KCNIP3: variants seen among roughly 807,000 people sequenced by gnomAD.
KCNIP3 encodes potassium voltage-gated channel interacting protein 3, also known as calsenilin.
In KCNIP3, 28 loss-of-function variants were observed where a neutral mutation model predicts 35.0. That is an observed-to-expected ratio of 0.80 (90% CI 0.59 to 1.10). The LOEUF is 1.10. Ranked by LOEUF, KCNIP3 falls within the 50% of genes least tolerant of loss-of-function variation. The pLI is 0.00. For missense variants in KCNIP3, 295 were observed against 338.4 expected (o/e 0.87, Z 1.01); for synonymous variants, 134 against 133.8 (o/e 1.00, Z -0.01).
At chr2:95,320,205 G>T (rs552818372) in intron 2 of KCNIP3, among the ~76,000 whole-genome samples, 1 of 152,154 alleles carries the variant, frequency 6.6e-6, no homozygotes, top group Admixed American at 6.5e-5. Context: ...GGAACCACAC[G>T]GAGGGAGCCT....
At chr2:95,317,165 G>A (rs1356042955) in intron 2 of KCNIP3, among the ~76,000 whole-genome samples, 1 of 152,136 alleles carries the variant, frequency 6.6e-6, no homozygotes, top group Non-Finnish European at 1.5e-5. Context: ...CCCTGGCCCT[G>A]AGCCTCCTAG....
At chr2:95,379,129 C>A (rs966589536) in intron 5 of KCNIP3, among the ~76,000 whole-genome samples, 1 of 151,926 alleles carries the variant, frequency 6.6e-6, no homozygotes, top group Non-Finnish European at 1.5e-5. Flanking sequence ...TCCCCCCAGC[C>A]CCCCACCCAT....
At chr2:95,383,906 G>A (rs879070945) in intron 8 of KCNIP3, 96 bp from the exon 9 acceptor site, 17 of 1,031,580 alleles carry the variant, frequency 1.6e-5, no homozygotes, top group Admixed American at 1.2e-4. Context: ...ACAGGCAGTC[G>A]CTGCAGGCTC....
At chr2:95,331,746 T>C (rs547015873) in intron 2 of KCNIP3, among the ~76,000 whole-genome samples, 1 of 152,306 alleles carries the variant, frequency 6.6e-6, no homozygotes, top group Non-Finnish European at 1.5e-5. Context: ...TCTTACCCGA[T>C]CCAGCTGGCC....
At chr2:95,379,413 C>T (rs1680282864) in intron 5 of KCNIP3, among the ~76,000 whole-genome samples, 1 of 152,186 alleles carries the variant, frequency 6.6e-6, no homozygotes, top group Non-Finnish European at 1.5e-5. Context: ...CGGCATCTGC[C>T]AGAGGAGGCC....
intron 2 of KCNIP3, among the ~76,000 whole-genome samples, chr2:95,355,669 A>G (rs1425271388): frequency 1.3e-5 from 2 of 152,194 alleles, no homozygotes; most frequent in African/African-American, 2.4e-5. Context: ...TGCAAAGGAC[A>G]TGAACTCATC....
chr2:95,325,909 TCATACACATACACACTCATACA>T (rs1678754196), intron 2 of KCNIP3, among the ~76,000 whole-genome samples: 1 of 137,572 alleles, frequency 7.3e-6, no homozygotes, highest in African/African-American at 2.8e-5. Flanking sequence ...ACACATTCAC[TCATACACATACACACTCATACA>T]CATACACATA....
At chr2:95,379,268 G>T (rs1262134003) in intron 5 of KCNIP3, among the ~76,000 whole-genome samples, 1 of 152,338 alleles carries the variant, frequency 6.6e-6, no homozygotes, top group East Asian at 1.9e-4. Context: ...GCTGAGGCTT[G>T]TTGTCCATTG....
chr2:95,381,674 A>C lies in KCNIP3; in HGVS notation c.526A>C (p.Ile176Leu). ...KLKWAFNLYD[I>L]NKDGYITKEE... ...CAAGTGGGCCTTTAATCTCTACGAC[A>C]TTAACAAGGATGGCTACATCACCAA... The change falls in exon 6 of 9, where the codon ATT (isoleucine) becomes CTT (leucine). Residue 176 changes from isoleucine to leucine, a missense_variant. Physicochemically the swap from Ile to Leu is conservative, Grantham distance 5. Coordinates refer to ENST00000295225, the MANE Select transcript of KCNIP3 (RefSeq NM_013434.5). 2 of 1,613,806 alleles carry C rather than the reference A, an allele frequency of 1.2e-6. No individual in the cohort carries two copies. Among genetic ancestry groups the C allele is most frequent in the Non-Finnish European group, 8.5e-7 (1 of 1,179,744 alleles).
At chr2:95,316,274 C>T (rs147343406) in intron 2 of KCNIP3, among the ~76,000 whole-genome samples, 7 of 152,360 alleles carry the variant, frequency 4.6e-5, no homozygotes, top group African/African-American at 9.6e-5. Flanking sequence ...GCCTCTGAGC[C>T]GCACATTTAA....
chr2:95,383,771 C>T (rs1205414001), intron 8 of KCNIP3, among the ~76,000 whole-genome samples: 2 of 152,246 alleles, frequency 1.3e-5, no homozygotes, highest in Non-Finnish European at 2.9e-5. Flanking sequence ...TTCATCAGCT[C>T]ATCCCAGATG....
intron 2 of KCNIP3, among the ~76,000 whole-genome samples, chr2:95,353,481 G>A (rs1024352090): frequency 5.9e-5 from 9 of 152,174 alleles, no homozygotes; most frequent in Admixed American, 1.3e-4. Flanking sequence ...GTTTCCCTCC[G>A]TTCCAGCCCG....
intron 2 of KCNIP3, among the ~76,000 whole-genome samples, chr2:95,322,871 C>T (rs1437924016): frequency 2.6e-5 from 4 of 152,370 alleles, no homozygotes; most frequent in Middle Eastern, 3.4e-3. Flanking sequence ...CTGCGAGGCC[C>T]TGTGCCCCTC....
chr2:95,311,251 ACT>A (rs1165514532), intron 2 of KCNIP3: 3 of 154,290 alleles, frequency 1.9e-5, no homozygotes, highest in East Asian at 3.9e-4. Flanking sequence ...AAGCTTGCAC[ACT>A]CATCATGCAC....
At position 95,323,850 on chromosome 2, in the gene KCNIP3, C is replaced by T. The variant is rs561946252; in HGVS notation, c.181+13330C>T. On this transcript the variant is annotated intron_variant, in intron 2 of 8. Transcript: ENST00000295225. ...TTGTCCCATGTCATCCCAGAGGCCT[C>T]GGGAGGCAGATGGTTTTGTCTAGGA... 1.1e-4 allele frequency among the ~76,000 whole-genome samples: 16 copies of T among 152,270 alleles called. No homozygotes were observed. The South Asian group carries it at 2.5e-3, about 24-fold the overall frequency.
rs1349967348 is a variant in KCNIP3 at position 95,328,350 on chromosome 2, G to C, written c.181+17830G>C. 5.9e-5 allele frequency among the ~76,000 whole-genome samples: 9 copies of C among 152,362 alleles called. No homozygotes were observed. The East Asian group carries it at 1.5e-3, about 26-fold the overall frequency. ...TAGGTCTAACTCCCAGAGCAGTGCT[G>C]CTGCTGCTCCACACACTGTCTGAGC... On this transcript the variant is annotated intron_variant, in intron 2 of 8. Coordinates refer to ENST00000295225, the MANE Select transcript of KCNIP3 (RefSeq NM_013434.5).
At chr2:95,349,580 C>T (rs554125709) in intron 2 of KCNIP3, among the ~76,000 whole-genome samples, 6 of 152,316 alleles carry the variant, frequency 3.9e-5, no homozygotes, top group East Asian at 1.9e-4. Flanking sequence ...GCAGGAAGCT[C>T]GCCCCTTGAT....
At chr2:95,374,566 G>A (rs991625630) in intron 3 of KCNIP3, 146 bp downstream of exon 3, 8 of 1,071,530 alleles carry the variant, frequency 7.5e-6, no homozygotes, top group South Asian at 1.6e-5. Context: ...GGCAGGCTCC[G>A]GAATGGGCAT....
chr2:95,383,688 G>C (rs568058381), intron 8 of KCNIP3, among the ~76,000 whole-genome samples: 1 of 152,216 alleles, frequency 6.6e-6, no homozygotes, highest in Non-Finnish European at 1.5e-5. Flanking sequence ...TGGGCCTCCA[G>C]CGCCTCTATT....
Sources: allele counts gnomAD v4.1 joint callset (sites outside exome capture counted in the v4.1 genomes callset), GRCh38; gene constraint gnomAD v4.1.1; transcripts MANE v1.5; gene names NCBI Gene and HGNC (gene_info 2026-07-23, HGNC 2026-07-21).